The following DEPDC4 variants were observed in gnomAD, a reference collection of about 807,000 sequenced individuals.
The protein encoded by DEPDC4 is DEP domain-containing protein 4.
A neutral mutation model predicts 52.0 loss-of-function variants in DEPDC4; 52 were observed. That is an observed-to-expected ratio of 1.00 (90% CI 0.80 to 1.26). The LOEUF (loss-of-function observed/expected upper bound fraction) is 1.26, where lower values mean the gene tolerates loss of function less well. DEPDC4 is among the 50% of genes most tolerant of loss of function. The pLI, the probability that DEPDC4 is intolerant of heterozygous loss-of-function variation, is 0.00. For missense variants in DEPDC4, 530 were observed against 546.9 expected (o/e 0.97, Z 0.31); for synonymous variants, 201 against 196.8 (o/e 1.02, Z -0.18).
At chr12:100,278,181 A>C in the DEPDC4 span, among the ~76,000 whole-genome samples, 2 of 151,972 alleles carry the variant, frequency 1.3e-5, no homozygotes, top group African/African-American at 4.8e-5. Flanking sequence ...TGGTTTAAAA[A>C]CTTTAAGTTT....
chr12:100,258,384 G>A (rs188081260), intron 3 of DEPDC4, among the ~76,000 whole-genome samples: 5 of 152,090 alleles, frequency 3.3e-5, no homozygotes, highest in African/African-American at 7.2e-5. Context: ...ATAAGAGATC[G>A]GAATTAGAAC....
chr12:100,266,578 C>T (rs1228301761), intron 1 of DEPDC4, among the ~76,000 whole-genome samples: 1 of 152,164 alleles, frequency 6.6e-6, no homozygotes, highest in Non-Finnish European at 1.5e-5. Flanking sequence ...AGCCTAGGGA[C>T]CAGCAGCATT....
the DEPDC4 span, among the ~76,000 whole-genome samples, chr12:100,272,274 T>G: frequency 2.0e-5 from 3 of 152,192 alleles, no homozygotes; most frequent in Non-Finnish European, 4.4e-5. Context: ...TAGGCTTTTT[T>G]CTTCATTAAT....
chr12:100,267,565 G>GATC (rs1168443319), upstream of DEPDC4: 2 of 152,644 alleles, frequency 1.3e-5, no homozygotes, highest in Non-Finnish European at 1.5e-5. Flanking sequence ...GCGGCCGGCC[G>GATC]GGCGATCGGC....
rs746274385 is a variant in DEPDC4, at chr12:100,267,001, G to A, written c.76C>T (p.Gln26Ter). The change falls in exon 1 of 10, where the codon CAG becomes TAG. Residue 26 changes from glutamine to a stop codon, truncating the protein, a stop_gained. Transcript: ENST00000550587. LOFTEE classifies it high-confidence loss of function. ...LTPRFRRLVS[Q>*]NELPGPGLNG... The stretch of plus-strand genomic sequence containing the variant: ...AGCCCTGGGCCCGGAAGCTCGTTCT[G>A]ACTGACAAGTCTACGGAACCTCGGA... The A allele has an allele frequency of 3.1e-6, 5 of 1,614,098 alleles. No homozygotes were observed. The South Asian group carries it at 5.5e-5, about 18-fold the overall frequency.
chr12:100,281,053 T>C, the DEPDC4 span, among the ~76,000 whole-genome samples: 1 of 125,396 alleles, frequency 8.0e-6, no homozygotes, highest in Non-Finnish European at 1.6e-5. Flanking sequence ...TTTTTTGAGA[T>C]AGAGCCTGGC....
upstream of DEPDC4, among the ~76,000 whole-genome samples, chr12:100,268,364 C>T (rs774514858): frequency 4.6e-5 from 7 of 152,114 alleles, no homozygotes; most frequent in Non-Finnish European, 1.0e-4. Flanking sequence ...GCTTGAAAGT[C>T]AGGTGCTTGA....
upstream of DEPDC4, among the ~76,000 whole-genome samples, chr12:100,271,209 A>G (rs771573468): frequency 2.2e-4 from 33 of 148,798 alleles, no homozygotes; most frequent in Admixed American, 1.0e-3. Context: ...TCAAGAATAC[A>G]TCTTAAGGCC....
chr12:100,251,415 T>C (rs772528567), intron 7 of DEPDC4, among the ~76,000 whole-genome samples: 63 of 152,174 alleles, frequency 4.1e-4, no homozygotes, highest in Admixed American at 4.1e-3. Flanking sequence ...CTAATGCTAC[T>C]GCTACTCCTA....
At chr12:100,250,515 T>C (rs2096203310) in intron 7 of DEPDC4, among the ~76,000 whole-genome samples, 1 of 152,156 alleles carries the variant, frequency 6.6e-6, no homozygotes, top group Non-Finnish European at 1.5e-5. Context: ...CCACTGCACC[T>C]GGCCTGAACC....
At chr12:100,244,087 C>T (rs1814684351) in intron 8 of DEPDC4, among the ~76,000 whole-genome samples, 1 of 29,432 alleles carries the variant, frequency 3.4e-5, no homozygotes, top group African/African-American at 1.3e-4. Flanking sequence ...CTCTCTCTCT[C>T]TCTCTGTGTA....
intron 9 of DEPDC4, among the ~76,000 whole-genome samples, chr12:100,234,011 G>A (rs112396843): frequency 0.044 from 6,682 of 152,182 alleles, 485 homozygotes; most frequent in African/African-American, 0.15. Context: ...GGAGGCTGAG[G>A]TGGGAGAATC....
chr12:100,273,937 G>C, the DEPDC4 span, among the ~76,000 whole-genome samples: 4 of 152,314 alleles, frequency 2.6e-5, 1 homozygote, highest in South Asian at 6.2e-4. Flanking sequence ...TAGAGGAATA[G>C]ATATGTATGG....
intron 1 of DEPDC4, among the ~76,000 whole-genome samples, chr12:100,266,203 A>C (rs1323586636): frequency 1.3e-5 from 2 of 152,198 alleles, no homozygotes; most frequent in South Asian, 4.1e-4. Flanking sequence ...CTCTTCTCCA[A>C]CTATGCATAA....
chr12:100,281,810 G>C, the DEPDC4 span, among the ~76,000 whole-genome samples: 1 of 150,810 alleles, frequency 6.6e-6, no homozygotes. Context: ...CTCCAGCCTG[G>C]GTGACAGAGC....
At chr12:100,268,698 T>A (rs2096283149), upstream of DEPDC4, among the ~76,000 whole-genome samples, 1 of 152,210 alleles carries the variant, frequency 6.6e-6, no homozygotes, top group Non-Finnish European at 1.5e-5. Context: ...TCTAGACAGA[T>A]CAACCCTGTT....
downstream of DEPDC4, among the ~76,000 whole-genome samples, chr12:100,235,492 C>G (rs1476048815): frequency 6.6e-6 from 1 of 151,762 alleles, no homozygotes; most frequent in Admixed American, 6.6e-5. Flanking sequence ...CAGCAGTATA[C>G]ACTGAACCCA....
intron 9 of DEPDC4, among the ~76,000 whole-genome samples, chr12:100,231,657 T>A (rs2096135124): frequency 6.6e-6 from 1 of 152,242 alleles, no homozygotes; most frequent in Non-Finnish European, 1.5e-5. Flanking sequence ...TTTTAATGTT[T>A]TATTAACTTT....
the DEPDC4 span, among the ~76,000 whole-genome samples, chr12:100,277,972 C>T: frequency 2.0e-5 from 3 of 152,018 alleles, no homozygotes; most frequent in Non-Finnish European, 1.5e-5. Flanking sequence ...TACTGTACTG[C>T]CTCAAATATA....
Sources: gnomAD v4.1 joint callset for allele counts (sites outside exome capture counted in the v4.1 genomes callset) on GRCh38, gnomAD v4.1.1 for gene constraint, MANE v1.5 for transcripts, NCBI Gene and HGNC (gene_info 2026-07-23, HGNC 2026-07-21) for gene names.